WNT2: variants seen among roughly 807,000 people sequenced by gnomAD.
WNT2 encodes the protein protein Wnt-2.
A neutral mutation model predicts 36.9 loss-of-function variants in WNT2; 12 were observed. The observed-to-expected ratio is 0.33, with a 90% confidence interval of 0.21 to 0.53. The LOEUF (loss-of-function observed/expected upper bound fraction) is 0.53. Ranked by LOEUF, WNT2 falls within the 20% of genes least tolerant of loss-of-function variation. The pLI is 0.95. For missense variants in WNT2, 379 were observed against 473.1 expected, an observed-to-expected ratio of 0.80 and a Z score of 1.84; for synonymous variants, 163 against 174.6, an observed-to-expected ratio of 0.93 and a Z score of 0.52.
intron 3 of WNT2, among the ~76,000 whole-genome samples, chr7:117,304,840 C>T (rs969784533): frequency 1.2e-4 from 18 of 152,198 alleles, no homozygotes; most frequent in Admixed American, 7.2e-4. Context: ...ACTTTCTTCC[C>T]GATTTCTTGA....
intron 3 of WNT2, among the ~76,000 whole-genome samples, chr7:117,301,952 T>C (rs1391503327): frequency 6.6e-6 from 1 of 151,676 alleles, no homozygotes; most frequent in Non-Finnish European, 1.5e-5. Flanking sequence ...GGATTACAGG[T>C]GCATGCCACC....
intron 4 of WNT2, among the ~76,000 whole-genome samples, chr7:117,279,883 C>T (rs1794449404): frequency 6.6e-6 from 1 of 152,140 alleles, no homozygotes; most frequent in Admixed American, 6.5e-5. Context: ...TCAGTTTCTC[C>T]ATCATTTAAC....
intron 4 of WNT2, among the ~76,000 whole-genome samples, chr7:117,283,077 A>G (rs1255062501): frequency 6.6e-6 from 1 of 152,178 alleles, no homozygotes. Context: ...TAGAGAAAAG[A>G]TAATGAATTC....
At position 117,322,697 on chromosome 7, in the gene WNT2, G is replaced by A. The variant is rs1795352687; in HGVS notation, c.83+210C>T. ...TCGGAGCTCTCATTTGAGGGGGAAT[G>A]TGGTTTTATGGAGTTGTCAAAGCTG... On this transcript the variant is annotated intron_variant, in intron 1 of 4. Coordinates refer to ENST00000265441, the MANE Select transcript of WNT2 (RefSeq NM_003391.3). This position sits in a 1 kb window ranked among gnomAD's most constrained non-coding sequence, Gnocchi z 5.4. Among the ~76,000 whole-genome samples the A allele has an allele frequency of 6.6e-6, 1 of 152,160 alleles. No homozygotes were observed. Among genetic ancestry groups the A allele is most frequent in the African/African-American group, 2.4e-5 (1 of 41,436 alleles).
intron 3 of WNT2, among the ~76,000 whole-genome samples, chr7:117,302,061 G>A (rs4727848): frequency 0.43 from 65,553 of 151,620 alleles, 14,365 homozygotes; most frequent in East Asian, 0.56. Flanking sequence ...CTCCCAAAGT[G>A]CTAGGATTAC....
At position 117,277,190 on chromosome 7, in the gene WNT2, T is replaced by TA. The variant is rs200608253; in HGVS notation, c.*964_*965insT. 3.8e-5 allele frequency: 4 copies of TA among 106,496 alleles called. No homozygotes were observed. Among genetic ancestry groups the TA allele is most frequent in the Middle Eastern group, 5.1e-3 (1 of 196 alleles). The allele number at this position is 106,496 out of a possible 1,614,324, so 6.6% of individuals were successfully genotyped here. On this transcript the variant is annotated 3_prime_UTR_variant, in exon 5 of 5. Transcript: ENST00000265441. ...ATCCCCAAAATTTTCATCCTTCAAG[T>TA]CTTTCAGTTATGAGATTCCATGGGT...
chr7:117,301,271 CT>C (rs1794900981), intron 3 of WNT2, among the ~76,000 whole-genome samples: 1 of 152,104 alleles, frequency 6.6e-6, no homozygotes, highest in Non-Finnish European at 1.5e-5. Flanking sequence ...ACCTTCATCT[CT>C]TCTATGTACT....
chr7:117,277,984 C>G lies in WNT2; in HGVS notation c.*171G>C. ...AGAATAGGGTAGGCTTTAGGTGCAG[C>G]GTGTGGCCCCCCCATCCTGGGGCCC... is the stretch of plus-strand genomic sequence containing the variant. On this transcript the variant is annotated 3_prime_UTR_variant, in exon 5 of 5. Coordinates refer to ENST00000265441, the MANE Select transcript of WNT2 (RefSeq NM_003391.3). 3 of 652,594 alleles carry G rather than the reference C, an allele frequency of 4.6e-6. No individual in the cohort carries two copies. Among genetic ancestry groups the G allele is most frequent in the East Asian group, 2.7e-5 (1 of 36,558 alleles). The allele number at this position is 652,594 out of a possible 1,614,324, so 40.4% of individuals were successfully genotyped here.
intron 3 of WNT2, among the ~76,000 whole-genome samples, chr7:117,303,513 C>G (rs1763472296): frequency 6.6e-6 from 1 of 152,108 alleles, no homozygotes; most frequent in Admixed American, 6.5e-5. Context: ...CGGCAGGATA[C>G]TCCCCCTGGG....
At chr7:117,304,173 T>G (rs1310854952) in intron 3 of WNT2, among the ~76,000 whole-genome samples, 1 of 152,252 alleles carries the variant, frequency 6.6e-6, no homozygotes, top group Non-Finnish European at 1.5e-5. Flanking sequence ...TGGCTGGGTA[T>G]AGAATTCTGG....
intron 2 of WNT2, among the ~76,000 whole-genome samples, chr7:117,315,680 T>C (rs1795202118): frequency 6.6e-6 from 1 of 152,258 alleles, no homozygotes; most frequent in East Asian, 1.9e-4. Flanking sequence ...GAGCTCTAGA[T>C]GTCCTAGAAG....
At chr7:117,319,696 T>C (rs1472090721) in intron 2 of WNT2, among the ~76,000 whole-genome samples, 4 of 152,236 alleles carry the variant, frequency 2.6e-5, no homozygotes. Flanking sequence ...AATATGATTT[T>C]CAATTAATTT....
intron 3 of WNT2, among the ~76,000 whole-genome samples, chr7:117,308,087 A>G (rs985319929): frequency 3.9e-5 from 6 of 152,234 alleles, no homozygotes; most frequent in Non-Finnish European, 8.8e-5. Context: ...TTTATTCACA[A>G]TTGAATCCTT....
At chr7:117,313,139 G>C (rs1217000210) in intron 3 of WNT2, among the ~76,000 whole-genome samples, 1 of 152,208 alleles carries the variant, frequency 6.6e-6, no homozygotes, top group Admixed American at 6.5e-5. Context: ...AGCCCAGGCT[G>C]TTCTCATTTT....
intron 4 of WNT2, among the ~76,000 whole-genome samples, chr7:117,293,767 G>A (rs1181277143): frequency 1.3e-5 from 2 of 152,002 alleles, no homozygotes; most frequent in Admixed American, 6.6e-5. Flanking sequence ...TCGGTGGTGT[G>A]CTTACTCAAT....
chr7:117,287,521 G>A (rs1025181189), intron 4 of WNT2, among the ~76,000 whole-genome samples: 6 of 152,122 alleles, frequency 3.9e-5, no homozygotes, highest in Admixed American at 2.6e-4. Flanking sequence ...TGCACATCAC[G>A]CCACAGGGTT....
chr7:117,320,002 A>G (rs931728431), intron 2 of WNT2, among the ~76,000 whole-genome samples: 1 of 152,220 alleles, frequency 6.6e-6, no homozygotes, highest in Non-Finnish European at 1.5e-5. Context: ...CCCTTACAGA[A>G]TTTACAATCT....
intron 3 of WNT2, among the ~76,000 whole-genome samples, chr7:117,298,184 G>T (rs760910747): frequency 1.9e-4 from 29 of 152,132 alleles, no homozygotes; most frequent in Non-Finnish European, 3.8e-4. Context: ...GTGAGGGATT[G>T]AATTATTTTC....
chr7:117,297,524 C>A, intron 4 of WNT2, 88 bp downstream of exon 4: 1 of 1,465,552 alleles, frequency 6.8e-7, no homozygotes, highest in Non-Finnish European at 9.3e-7. Context: ...CTAAAGAGAG[C>A]AGGCTGAAAA....
Sources: gnomAD v4.1 joint callset for allele counts (sites outside exome capture counted in the v4.1 genomes callset) on GRCh38, gnomAD v4.1.1 for gene constraint, Gnocchi (gnomAD v3.1) non-coding constraint, MANE v1.5 for transcripts, NCBI Gene and HGNC (gene_info 2026-07-23, HGNC 2026-07-21) for gene names.